The following UBXN2A variants were observed in gnomAD, a reference collection of about 807,000 sequenced individuals.
The protein encoded by UBXN2A is UBX domain protein 2A, also known as UBX domain-containing protein 2A.
A neutral mutation model predicts 28.4 loss-of-function variants in UBXN2A; 28 were observed. That is an observed-to-expected ratio of 0.99 (90% CI 0.73 to 1.35). The LOEUF is 1.35. UBXN2A is among the 40% of genes most tolerant of loss of function. The pLI is 0.00. For missense variants in UBXN2A, 253 were observed against 297.9 expected, an observed-to-expected ratio of 0.85 and a Z score of 1.11; for synonymous variants, 97 against 103.6, an observed-to-expected ratio of 0.94 and a Z score of 0.39.
chr2:24,002,611 T>C lies in UBXN2A; in HGVS notation c.*2744T>C, dbSNP rs1451365629. The C allele has an allele frequency of 6.6e-6, 1 of 152,210 alleles. No homozygotes were observed. The highest frequency in any genetic ancestry group is 1.9e-4 in the East Asian group (1 of 5,172). 9.4% of individuals were successfully genotyped at this position (152,210 alleles called of 1,614,324 possible). On this transcript the variant is annotated 3_prime_UTR_variant, in exon 7 of 7. Coordinates refer to ENST00000309033, the MANE Select transcript of UBXN2A (RefSeq NM_181713.4). ...TTTTAGTAGAGACGGGGTTTCGCCATGTTGGCCTGGCTGGCCTCTAACTCG... is the reference window on the plus strand; with the variant it reads ...TTTTAGTAGAGACGGGGTTTCGCCACGTTGGCCTGGCTGGCCTCTAACTCG...
intron 6 of UBXN2A, among the ~76,000 whole-genome samples, chr2:23,986,759 C>A (rs1263903675): frequency 3.3e-5 from 5 of 152,050 alleles, no homozygotes; most frequent in Non-Finnish European, 5.9e-5. Context: ...AGGCACGTGC[C>A]ACCATGCCTG....
At chr2:23,967,451 A>G (rs1707224381) in intron 2 of UBXN2A, among the ~76,000 whole-genome samples, 1 of 152,198 alleles carries the variant, frequency 6.6e-6, no homozygotes, top group African/African-American at 2.4e-5. Context: ...TTGAGAGTGT[A>G]CTGTGTGCCA....
chr2:23,949,512 C>T (rs1221010494), intron 1 of UBXN2A, among the ~76,000 whole-genome samples: 2 of 151,660 alleles, frequency 1.3e-5, no homozygotes, highest in African/African-American at 4.8e-5. Flanking sequence ...GTAGAGGTTG[C>T]ACTCCAGCCT....
chr2:23,948,428 T>G (rs1017864213), intron 1 of UBXN2A, among the ~76,000 whole-genome samples: 6 of 151,596 alleles, frequency 4.0e-5, no homozygotes, highest in Admixed American at 2.0e-4. Flanking sequence ...AATTTTTGTG[T>G]TTTTAGTAGA....
In UBXN2A at chr2:23,998,571, C is replaced by T. The variant is rs190641027; in HGVS notation, c.585-1101C>T. On this transcript the variant is annotated intron_variant, in intron 6 of 6. Coordinates refer to ENST00000309033, the MANE Select transcript of UBXN2A (RefSeq NM_181713.4). ...CCATCTCTACTAAGAAATACAAAAA[C>T]TAGCCGGATGTGGTGGCAGGCGCCT... 2.0e-3 allele frequency among the ~76,000 whole-genome samples: 305 copies of T among 152,096 alleles called. 1 individual carries two copies. Among genetic ancestry groups the T allele is most frequent in the African/African-American group, 6.8e-3 (283 of 41,512 alleles).
chr2:23,940,443 C>G (rs879698845), upstream of UBXN2A: 8 of 150,992 alleles, frequency 5.3e-5, no homozygotes, highest in Non-Finnish European at 1.0e-4. Context: ...CGGGTCTGCG[C>G]GGAGCCGGCG....
At chr2:23,961,393 G>A (rs115882967) in intron 2 of UBXN2A, among the ~76,000 whole-genome samples, 3,621 of 152,050 alleles carry the variant, frequency 0.024, 55 homozygotes, top group Non-Finnish European at 0.03. Flanking sequence ...ACCGTGCCTG[G>A]CCTGTACTTT....
chr2:23,935,074 C>CA (rs1308238961), intron 1 of UBXN2A, among the ~76,000 whole-genome samples: 3 of 151,602 alleles, frequency 2.0e-5, no homozygotes, highest in Non-Finnish European at 2.9e-5. Flanking sequence ...GACCCTGTCT[C>CA]AAAAAAACAA....
At chr2:23,955,341 T>A (rs72796397) in intron 1 of UBXN2A, among the ~76,000 whole-genome samples, 18,562 of 152,240 alleles carry the variant, frequency 0.12, 1,212 homozygotes, top group Middle Eastern at 0.21. Flanking sequence ...TCTAAGAGTT[T>A]CTACTTGTCT....
chr2:23,961,826 G>C (rs1179721531), intron 2 of UBXN2A, among the ~76,000 whole-genome samples: 1 of 150,404 alleles, frequency 6.6e-6, no homozygotes. Context: ...GATTACAGGT[G>C]TGAACCACCG....
chr2:23,989,217 A>C (rs1558306638), intron 6 of UBXN2A, among the ~76,000 whole-genome samples: 1 of 152,046 alleles, frequency 6.6e-6, no homozygotes, highest in Non-Finnish European at 1.5e-5. Flanking sequence ...ATCAACAAAG[A>C]CACACACAAA....
chr2:23,952,622 C>T (rs1231955682), intron 1 of UBXN2A, among the ~76,000 whole-genome samples: 1 of 151,074 alleles, frequency 6.6e-6, no homozygotes, highest in Non-Finnish European at 1.5e-5. Flanking sequence ...TTTTTTGTGT[C>T]TTTAGTAGAG....
intron 1 of UBXN2A, among the ~76,000 whole-genome samples, chr2:23,948,620 C>A (rs892289639): frequency 2.6e-4 from 40 of 152,188 alleles, no homozygotes; most frequent in African/African-American, 9.6e-4. Context: ...CTGTTGTATT[C>A]TTAGTATCTT....
At chr2:23,941,050 G>T (rs1705731370) in intron 1 of UBXN2A, among the ~76,000 whole-genome samples, 1 of 152,164 alleles carries the variant, frequency 6.6e-6, no homozygotes, top group Non-Finnish European at 1.5e-5. Flanking sequence ...GACTTCACCC[G>T]ACTCCCACCA....
chr2:23,932,678 T>C (rs1705405832), intron 1 of UBXN2A, among the ~76,000 whole-genome samples: 1 of 152,156 alleles, frequency 6.6e-6, no homozygotes, highest in Non-Finnish European at 1.5e-5. Context: ...TTAAATAGAC[T>C]TGAGTCAAAA....
chr2:23,927,698 T>C (rs1364238443), intron 1 of UBXN2A: 1 of 151,942 alleles, frequency 6.6e-6, no homozygotes, highest in Non-Finnish European at 1.5e-5. Flanking sequence ...GGTCGTTTTC[T>C]ATCCCCTTAG....
chr2:23,985,497 C>A (rs113202748), intron 6 of UBXN2A, among the ~76,000 whole-genome samples: 3 of 152,112 alleles, frequency 2.0e-5, no homozygotes, highest in African/African-American at 7.2e-5. Flanking sequence ...AGTGATCTGC[C>A]CGCTTTGGCC....
At chr2:23,972,062 G>A (rs1707444753) in intron 3 of UBXN2A, among the ~76,000 whole-genome samples, 1 of 152,098 alleles carries the variant, frequency 6.6e-6, no homozygotes, top group Non-Finnish European at 1.5e-5. Context: ...CCGCACCACT[G>A]CACTCCAGCC....
intron 3 of UBXN2A, among the ~76,000 whole-genome samples, chr2:23,975,472 A>C (rs72781632): frequency 0.1 from 15,629 of 152,248 alleles, 922 homozygotes; most frequent in Middle Eastern, 0.17. Flanking sequence ...ATGAGACCCC[A>C]GCTGATTTTT....
Sources: gnomAD v4.1 joint callset for allele counts (sites outside exome capture counted in the v4.1 genomes callset) on GRCh38, gnomAD v4.1.1 for gene constraint, MANE v1.5 for transcripts, NCBI Gene and HGNC (gene_info 2026-07-23, HGNC 2026-07-21) for gene names.